ZNF385D: variants seen among roughly 807,000 people sequenced by gnomAD.
ZNF385D encodes zinc finger protein 659.
ZNF385D carries 15 observed loss-of-function variants against 35.8 expected under a neutral mutation model. The observed-to-expected ratio is 0.42, with a 90% CI of 0.28 to 0.64. ZNF385D has a LOEUF of 0.64. ZNF385D is among the 30% of genes least tolerant of loss of function. The pLI is 0.23. For synonymous variants in ZNF385D, 212 were observed against 186.8 expected, an observed-to-expected ratio of 1.13 and a Z score of -1.10; for missense variants, 474 against 494.6, an observed-to-expected ratio of 0.96 and a Z score of 0.39.
intron 2 of ZNF385D, among the ~76,000 whole-genome samples, chr3:22,179,493 C>G (rs1031850710): frequency 5.9e-5 from 9 of 152,164 alleles, no homozygotes; most frequent in Admixed American, 2.0e-4. Context: ...TGGGCTGAGA[C>G]GACGGGGTTT....
chr3:22,067,633 C>T (rs1214179967), intron 3 of ZNF385D, among the ~76,000 whole-genome samples: 1 of 152,130 alleles, frequency 6.6e-6, no homozygotes, highest in Non-Finnish European at 1.5e-5. Context: ...TGTTATTATA[C>T]AAACAAATCA....
At chr3:21,771,228 T>A (rs2071064835) in intron 3 of ZNF385D, among the ~76,000 whole-genome samples, 2 of 151,430 alleles carry the variant, frequency 1.3e-5, no homozygotes, top group South Asian at 2.1e-4. Flanking sequence ...ACCCTAGAAC[T>A]TAAAGTATAA....
intron 3 of ZNF385D, among the ~76,000 whole-genome samples, chr3:22,029,934 G>A (rs1160904888): frequency 6.6e-6 from 1 of 151,938 alleles, no homozygotes; most frequent in Non-Finnish European, 1.5e-5. Context: ...TGATCCCCTG[G>A]ATGTGTCTGT....
intron 3 of ZNF385D, among the ~76,000 whole-genome samples, chr3:21,881,789 T>C (rs566492556): frequency 6.6e-6 from 1 of 152,044 alleles, no homozygotes; most frequent in African/African-American, 2.4e-5. Context: ...TCACAAATCA[T>C]GGGAGCAGGT....
At chr3:21,761,597 T>C (rs534805387) in intron 3 of ZNF385D, among the ~76,000 whole-genome samples, 1 of 152,146 alleles carries the variant, frequency 6.6e-6, no homozygotes, top group East Asian at 1.9e-4. Flanking sequence ...GTGAGAGAAG[T>C]AATACAGTCT....
chr3:22,199,320 A>G (rs1296193062), intron 2 of ZNF385D, among the ~76,000 whole-genome samples: 2 of 152,182 alleles, frequency 1.3e-5, no homozygotes, highest in African/African-American at 2.4e-5. Context: ...GAAGTTAAAA[A>G]TAACATGATT....
chr3:21,884,574 A>G (rs1698444487), intron 3 of ZNF385D, among the ~76,000 whole-genome samples: 1 of 152,078 alleles, frequency 6.6e-6, no homozygotes, highest in Non-Finnish European at 1.5e-5. Context: ...TTAAAAAATT[A>G]ATTACATATC....
At chr3:21,503,118 T>G (rs902447399) in intron 4 of ZNF385D, among the ~76,000 whole-genome samples, 3 of 152,100 alleles carry the variant, frequency 2.0e-5, no homozygotes, top group African/African-American at 7.2e-5. Flanking sequence ...TCAACAGAGG[T>G]ATAGATTCAT....
At position 22,160,348 on chromosome 3, in the gene ZNF385D, C is replaced by G. The variant is rs150736145; in HGVS notation, c.325+8469G>C. Reference sequence around the variant, plus strand: ...GTTCTAGCAAGTTCTAATTTGTCTACTGACAGTCAACAAAAGCACAAATCG... The same window carrying G: ...GTTCTAGCAAGTTCTAATTTGTCTAGTGACAGTCAACAAAAGCACAAATCG... On this transcript the variant is annotated intron_variant, in intron 3 of 5. Transcript: ENST00000494108. 6.0e-3 allele frequency among the ~76,000 whole-genome samples: 917 copies of G among 152,190 alleles called. 8 individuals are homozygous for G. Among genetic ancestry groups the G allele is most frequent in the African/African-American group, 0.021 (876 of 41,550 alleles).
At chr3:21,700,262 A>C (rs1316276172) in intron 1 of ZNF385D, among the ~76,000 whole-genome samples, 4 of 152,076 alleles carry the variant, frequency 2.6e-5, no homozygotes, top group African/African-American at 7.2e-5. Flanking sequence ...TAGGGACCAG[A>C]AGGAAGTGGG....
intron 2 of ZNF385D, among the ~76,000 whole-genome samples, chr3:21,606,017 G>A (rs2125776620): frequency 6.6e-6 from 1 of 152,138 alleles, no homozygotes; most frequent in East Asian, 1.9e-4. Context: ...TTTCTCTTGT[G>A]TCCTCTTTTA....
intron 3 of ZNF385D, among the ~76,000 whole-genome samples, chr3:21,826,039 C>T (rs987184920): frequency 6.6e-6 from 1 of 152,234 alleles, no homozygotes; most frequent in Middle Eastern, 3.4e-3. Context: ...TTCCCCTCAA[C>T]CCCCCACCAG....
intron 3 of ZNF385D, among the ~76,000 whole-genome samples, chr3:22,036,619 T>G (rs1174270688): frequency 6.6e-6 from 1 of 151,850 alleles, no homozygotes; most frequent in East Asian, 1.9e-4. Flanking sequence ...GTTTGGTTGC[T>G]TACAAATTGC....
chr3:22,088,796 A>T (rs1463863723), intron 3 of ZNF385D, among the ~76,000 whole-genome samples: 2 of 152,176 alleles, frequency 1.3e-5, no homozygotes, highest in African/African-American at 2.4e-5. Context: ...AGTAAGATTC[A>T]ATAAGAATCC....
intron 2 of ZNF385D, among the ~76,000 whole-genome samples, chr3:22,288,165 C>G (rs1256001926): frequency 1.3e-5 from 2 of 151,916 alleles, no homozygotes; most frequent in Non-Finnish European, 2.9e-5. Flanking sequence ...ACAAGTAGTT[C>G]TCTTGCTGTT....
At chr3:22,269,561 A>T (rs948498642) in intron 2 of ZNF385D, among the ~76,000 whole-genome samples, 53 of 151,956 alleles carry the variant, frequency 3.5e-4, no homozygotes, top group Admixed American at 4.6e-4. Flanking sequence ...TGAGTAATGG[A>T]GGAGAGAGCA....
At chr3:22,338,802 G>C (rs1695290794) in intron 2 of ZNF385D, among the ~76,000 whole-genome samples, 1 of 148,470 alleles carries the variant, frequency 6.7e-6, no homozygotes, top group Non-Finnish European at 1.5e-5. Context: ...CTGGGTTCTA[G>C]CAATTCTCCT....
intron 3 of ZNF385D, among the ~76,000 whole-genome samples, chr3:21,785,112 A>G (rs942746986): frequency 1.3e-5 from 2 of 152,110 alleles, no homozygotes; most frequent in African/African-American, 4.8e-5. Context: ...GGGAGGTTGG[A>G]CTTGTGAAAA....
At chr3:22,268,144 T>TA (rs143756507) in intron 2 of ZNF385D, among the ~76,000 whole-genome samples, 3,063 of 152,036 alleles carry the variant, frequency 0.02, 39 homozygotes, top group South Asian at 0.054. Flanking sequence ...AATGGCAATT[T>TA]AAAAAATGGT....
Sources: allele counts gnomAD v4.1 joint callset (sites outside exome capture counted in the v4.1 genomes callset), GRCh38; gene constraint gnomAD v4.1.1; transcripts MANE v1.5; gene names NCBI Gene and HGNC (gene_info 2026-07-23, HGNC 2026-07-21).